ADD3: variants seen among roughly 807,000 people sequenced by gnomAD.
The protein encoded by ADD3 is gamma-adducin.
Under a neutral mutation model 80.2 loss-of-function variants are expected in ADD3, and 25 were observed. The observed-to-expected ratio is 0.31, with a 90% CI of 0.23 to 0.44. The LOEUF (loss-of-function observed/expected upper bound fraction) is 0.44, where lower values mean the gene tolerates loss of function less well. Ranked by LOEUF, ADD3 falls within the 20% of genes least tolerant of loss-of-function variation. The pLI is 1.00. For synonymous variants in ADD3, 284 were observed against 289.6 expected, an observed-to-expected ratio of 0.98 and a Z score of 0.20; for missense variants, 829 against 847.5, an observed-to-expected ratio of 0.98 and a Z score of 0.27.
chr10:110,033,823 T>C (rs1179542918), intron 1 of ADD3, among the ~76,000 whole-genome samples: 1 of 152,232 alleles, frequency 6.6e-6, no homozygotes, highest in African/African-American at 2.4e-5. Flanking sequence ...CGTAATTTGC[T>C]AGTTGCCTGC....
intron 11 of ADD3, 128 bp from the exon 12 acceptor site, chr10:110,126,289 T>C (rs1406502485): frequency 1.5e-6 from 1 of 684,198 alleles, no homozygotes; most frequent in African/African-American, 1.8e-5. Flanking sequence ...GAGGTCTTTA[T>C]GGAGGTGGGA....
At chr10:110,023,377 A>G (rs1242150742) in intron 1 of ADD3, among the ~76,000 whole-genome samples, 2 of 152,210 alleles carry the variant, frequency 1.3e-5, no homozygotes, top group African/African-American at 4.8e-5. Context: ...CCCAGGCTTC[A>G]GAACTGAGAG....
chr10:110,096,393 G>A lies in ADD3; in HGVS notation c.-29-4232G>A, dbSNP rs1457426099. On this transcript the variant is annotated intron_variant, in intron 1 of 14. Coordinates refer to ENST00000356080, the MANE Select transcript of ADD3 (RefSeq NM_016824.5). The stretch of plus-strand genomic sequence containing the variant: ...TGCCTAGGCCCCAGAGCTAATGCCA[G>A]GTTTTCAGTTTTTGTTATTACAGCA... Among the ~76,000 whole-genome samples the A allele has an allele frequency of 7.9e-5, 12 of 152,024 alleles. No individual in the cohort carries two copies. In the South Asian group the frequency reaches 2.5e-3, roughly 31 times the overall value.
intron 1 of ADD3, among the ~76,000 whole-genome samples, chr10:110,038,606 T>C (rs1213535545): frequency 6.6e-6 from 1 of 152,214 alleles, no homozygotes; most frequent in Non-Finnish European, 1.5e-5. Context: ...AGCTGCTCTT[T>C]AAAAGCACGT....
chr10:110,045,226 C>A (rs1040487375), intron 1 of ADD3, among the ~76,000 whole-genome samples: 2 of 152,044 alleles, frequency 1.3e-5, no homozygotes, highest in African/African-American at 2.4e-5. Context: ...TGGTGGCGTG[C>A]GCCTGTAGTC....
intron 2 of ADD3, 24 bp from the exon 3 acceptor site, chr10:110,112,753 A>T (rs999009094): frequency 6.2e-7 from 1 of 1,602,952 alleles, no homozygotes; most frequent in Non-Finnish European, 8.5e-7. Flanking sequence ...TTGCTTGCTC[A>T]GTCTTTATTT....
At chr10:110,117,321 C>G in intron 4 of ADD3, 21 bp from the exon 5 acceptor site, 2 of 1,336,178 alleles carry the variant, frequency 1.5e-6, no homozygotes, top group East Asian at 2.3e-5. Flanking sequence ...CATAGTAATT[C>G]CCTGTTGTTT....
In ADD3 at chr10:110,069,601, T is replaced by TGCTTTTAAGGATTTGA. The variant is rs573207651; in HGVS notation, c.-29-31020_-29-31005dup. The stretch of plus-strand genomic sequence containing the variant: ...TTAAATCTACCTTGCTTATACTTGA[T>TGCTTTTAAGGATTTGA]GCTTTTAAGGATTTGAGCTCATAGG... On this transcript the variant is annotated intron_variant, in intron 1 of 14. Coordinates refer to ENST00000356080, the MANE Select transcript of ADD3 (RefSeq NM_016824.5). 4.4e-4 allele frequency among the ~76,000 whole-genome samples: 67 copies of TGCTTTTAAGGATTTGA among 152,302 alleles called. 3 individuals are homozygous for TGCTTTTAAGGATTTGA. In the South Asian group the frequency reaches 0.013, roughly 30 times the overall value.
chr10:110,120,794 A>C (rs1851394078), intron 8 of ADD3, among the ~76,000 whole-genome samples: 1 of 152,166 alleles, frequency 6.6e-6, no homozygotes, highest in Non-Finnish European at 1.5e-5. Context: ...ACTGGTATCA[A>C]AACAGAGATA....
intron 1 of ADD3, among the ~76,000 whole-genome samples, chr10:110,073,138 C>CTTTTTTTTTTTTTTTTTTTTTTT (rs1189793476): frequency 4.2e-5 from 4 of 94,254 alleles, no homozygotes; most frequent in African/African-American, 4.5e-5. Context: ...TTTTAGTTTT[C>CTTTTTTTTTTTTTTTTTTTTTTT]TTTTTTTTTT....
intron 5 of ADD3, among the ~76,000 whole-genome samples, chr10:110,118,073 C>CACACACACAA (rs1366275426): frequency 7.3e-6 from 1 of 137,570 alleles, no homozygotes; most frequent in Non-Finnish European, 1.6e-5. Context: ...CACACACACA[C>CACACACACAA]AATGTTCATA....
intron 10 of ADD3, 41 bp from the exon 11 acceptor site, chr10:110,125,785 T>G (rs1338595895): frequency 1.0e-5 from 15 of 1,505,306 alleles, no homozygotes; most frequent in Non-Finnish European, 1.4e-5. Flanking sequence ...TAATATTTTC[T>G]TAACACAAAG....
At chr10:110,013,206 G>A (rs11194950) in intron 1 of ADD3, among the ~76,000 whole-genome samples, 40,443 of 152,044 alleles carry the variant, frequency 0.27, 7,843 homozygotes, top group African/African-American at 0.53. Flanking sequence ...GGGTTCAAGC[G>A]ATTCTTCTGC....
intron 1 of ADD3, among the ~76,000 whole-genome samples, chr10:110,049,804 A>G (rs1292275370): frequency 2.0e-5 from 3 of 151,302 alleles, no homozygotes; most frequent in Admixed American, 6.6e-5. Flanking sequence ...GGAGAATGGC[A>G]TGAACCCGGG....
At chr10:110,101,808 T>C (rs1848842192) in intron 2 of ADD3, among the ~76,000 whole-genome samples, 1 of 151,846 alleles carries the variant, frequency 6.6e-6, no homozygotes, top group Non-Finnish European at 1.5e-5. Flanking sequence ...CAAAATGAAT[T>C]TGTAACTTTC....
upstream of ADD3, among the ~76,000 whole-genome samples, chr10:110,003,303 GT>G (rs1851524309): frequency 1.7e-5 from 1 of 57,702 alleles, no homozygotes; most frequent in Non-Finnish European, 3.2e-5. Context: ...AACAGTAAGG[GT>G]GTGTGTGTGT....
chr10:110,017,759 T>A (rs1427386966), intron 1 of ADD3, among the ~76,000 whole-genome samples: 1 of 152,210 alleles, frequency 6.6e-6, no homozygotes, highest in African/African-American at 2.4e-5. Flanking sequence ...ACTGAATAAG[T>A]ACCATACCTT....
At chr10:110,098,715 C>G (rs188127831) in intron 1 of ADD3, among the ~76,000 whole-genome samples, 1 of 151,964 alleles carries the variant, frequency 6.6e-6, no homozygotes, top group South Asian at 2.1e-4. Context: ...CTGCAACCTC[C>G]GCCTCCCAGG....
chr10:110,076,397 A>T (rs746748727), intron 1 of ADD3, among the ~76,000 whole-genome samples: 1 of 152,210 alleles, frequency 6.6e-6, no homozygotes, highest in Non-Finnish European at 1.5e-5. Flanking sequence ...AAAATTTTTT[A>T]AAGTATGGTA....
Sources: allele counts gnomAD v4.1 joint callset (sites outside exome capture counted in the v4.1 genomes callset), GRCh38; gene constraint gnomAD v4.1.1; transcripts MANE v1.5; gene names NCBI Gene and HGNC (gene_info 2026-07-23, HGNC 2026-07-21).